The following ADCY8 variants were observed in gnomAD, a reference collection of about 807,000 sequenced individuals.
ADCY8 encodes the protein adenylate cyclase type 8.
Under a neutral mutation model 119.7 loss-of-function variants are expected in ADCY8, and 51 were observed. The ratio of observed to expected loss-of-function variants is 0.43; its 90% confidence interval spans 0.34 to 0.54. The LOEUF (loss-of-function observed/expected upper bound fraction) is 0.54. Among genes scored for constraint, ADCY8 ranks in the 20% least tolerant of loss-of-function variants. The probability of loss-of-function intolerance (pLI) is 0.03; values close to 1 mark genes in which losing one functional copy is unlikely to be tolerated. For missense variants in ADCY8, 1,383 were observed against 1,598.8 expected (o/e 0.87, Z 2.30); for synonymous variants, 665 against 651.0 (o/e 1.02, Z -0.33).
chr8:130,977,701 CCACAGATGTGTAAATTGAGG>C (rs1367799039), intron 2 of ADCY8, among the ~76,000 whole-genome samples: 1 of 152,168 alleles, frequency 6.6e-6, no homozygotes, highest in Non-Finnish European at 1.5e-5. Flanking sequence ...TACCACTATT[CCACAGATGTGTAAATTGAGG>C]CACAGAGAGG....
At chr8:130,951,023 G>A (rs769363761) in intron 3 of ADCY8, among the ~76,000 whole-genome samples, 2 of 152,146 alleles carry the variant, frequency 1.3e-5, no homozygotes, top group Non-Finnish European at 2.9e-5. Flanking sequence ...AATCAGTCAT[G>A]GTTGGATTCT....
chr8:131,014,723 C>T (rs1371881160), intron 1 of ADCY8, among the ~76,000 whole-genome samples: 2 of 152,146 alleles, frequency 1.3e-5, no homozygotes, highest in Non-Finnish European at 2.9e-5. Flanking sequence ...CCCCTCTAAA[C>T]TTCAGACTTC....
chr8:130,980,345 C>T (rs1048071361), intron 2 of ADCY8, among the ~76,000 whole-genome samples: 1 of 152,166 alleles, frequency 6.6e-6, no homozygotes, highest in Non-Finnish European at 1.5e-5. Flanking sequence ...CAACCCAGTA[C>T]AGAAGTCATA....
At chr8:130,932,122 T>C (rs1820648127) in intron 5 of ADCY8, among the ~76,000 whole-genome samples, 1 of 152,152 alleles carries the variant, frequency 6.6e-6, no homozygotes, top group African/African-American at 2.4e-5. Context: ...TACTGGGGCA[T>C]GCCAGAAGCC....
chr8:130,799,836 C>T (rs1815712018), intron 15 of ADCY8, among the ~76,000 whole-genome samples: 1 of 152,142 alleles, frequency 6.6e-6, no homozygotes, highest in South Asian at 2.1e-4. Flanking sequence ...GCTTAAGTAA[C>T]TGGATGGACA....
chr8:130,801,817 AC>A, intron 14 of ADCY8, among the ~76,000 whole-genome samples: 1 of 148,428 alleles, frequency 6.7e-6, no homozygotes, highest in East Asian at 2.0e-4. Context: ...TTTATTGATC[AC>A]CCCAAGATCT....
intron 2 of ADCY8, among the ~76,000 whole-genome samples, chr8:130,956,116 G>C (rs1821417821): frequency 6.6e-6 from 1 of 152,276 alleles, no homozygotes; most frequent in South Asian, 2.1e-4. Flanking sequence ...CGGCACTCCA[G>C]CCTGGTCAAC....
At chr8:131,018,295 T>A (rs951019882) in intron 1 of ADCY8, among the ~76,000 whole-genome samples, 1 of 152,200 alleles carries the variant, frequency 6.6e-6, no homozygotes, top group African/African-American at 2.4e-5. Context: ...GTATTCAACT[T>A]TATTTTTTTC....
At chr8:130,795,355 C>G (rs1308203388) in intron 15 of ADCY8, among the ~76,000 whole-genome samples, 2 of 152,264 alleles carry the variant, frequency 1.3e-5, no homozygotes, top group East Asian at 3.9e-4. Context: ...TGTGGAACAC[C>G]TTTTTCAAAA....
intron 15 of ADCY8, among the ~76,000 whole-genome samples, chr8:130,793,417 C>T (rs969404261): frequency 1.3e-5 from 2 of 152,214 alleles, no homozygotes; most frequent in Non-Finnish European, 2.9e-5. Context: ...AACCTTCCTT[C>T]CCATGTTCCC....
At chr8:131,008,750 G>T (rs1010964821) in intron 1 of ADCY8, among the ~76,000 whole-genome samples, 12 of 152,188 alleles carry the variant, frequency 7.9e-5, no homozygotes, top group African/African-American at 2.9e-4. Flanking sequence ...ATGTGGAAAA[G>T]TTTGGAACTT....
intron 12 of ADCY8, among the ~76,000 whole-genome samples, chr8:130,830,844 G>A (rs1462843875): frequency 2.6e-5 from 4 of 152,190 alleles, no homozygotes; most frequent in Non-Finnish European, 4.4e-5. Context: ...AGTGGAAACA[G>A]GTGCCAGAAC....
rs529456233 is a variant in ADCY8 at position 131,011,974 on chromosome 8, G to A, written c.961-21432C>T. Among the ~76,000 whole-genome samples, 75 of 152,298 alleles carry A rather than the reference G, an allele frequency of 4.9e-4. 1 individual carries two copies. The South Asian group carries it at 0.015, about 31-fold the overall frequency. On this transcript the variant is annotated intron_variant, in intron 1 of 17. Transcript: ENST00000286355. Reference sequence around the variant, plus strand: ...TGTGTCCCTGATAGGTAGAATACATGAGTCAGGGGAACAAGGGGGTAGAGG... The same window carrying A: ...TGTGTCCCTGATAGGTAGAATACATAAGTCAGGGGAACAAGGGGGTAGAGG...
At chr8:130,856,770 T>C (rs957363262) in intron 9 of ADCY8, among the ~76,000 whole-genome samples, 3 of 152,088 alleles carry the variant, frequency 2.0e-5, no homozygotes, top group Non-Finnish European at 2.9e-5. Context: ...CCTTATGTCT[T>C]AGTCTCATTC....
chr8:130,812,471 G>A (rs1239219082), intron 14 of ADCY8, among the ~76,000 whole-genome samples: 3 of 152,214 alleles, frequency 2.0e-5, no homozygotes, highest in Admixed American at 6.5e-5. Context: ...CAATTAGGGT[G>A]AGCCCTAAAT....
At chr8:130,909,931 C>T (rs1486761642) in intron 5 of ADCY8, 65 bp from the exon 6 acceptor site, 3 of 1,312,638 alleles carry the variant, frequency 2.3e-6, no homozygotes, top group Non-Finnish European at 3.1e-6. Context: ...TGGCTCTGCA[C>T]TTTCTTTTCT....
intron 5 of ADCY8, among the ~76,000 whole-genome samples, chr8:130,936,248 C>T (rs1489642315): frequency 6.6e-6 from 1 of 152,124 alleles, no homozygotes; most frequent in Non-Finnish European, 1.5e-5. Flanking sequence ...CCACACACAG[C>T]CTAGTTCCAG....
rs532644128 is a variant in ADCY8, at chr8:130,939,822, C to T, written c.1354-2622G>A. 2.6e-5 allele frequency among the ~76,000 whole-genome samples: 4 copies of T among 152,290 alleles called. No individual in the cohort carries two copies. The South Asian group carries it at 8.3e-4, about 32-fold the overall frequency. On this transcript the variant is annotated intron_variant, in intron 4 of 17. Transcript: ENST00000286355. ...CAATGTTCAACATGCTGCTCCTTAT[C>T]TTTTTTCGTTGAGCTTCACAATAAA... is the stretch of plus-strand genomic sequence containing the variant.
intron 7 of ADCY8, among the ~76,000 whole-genome samples, chr8:130,901,983 C>T (rs1819618223): frequency 6.6e-6 from 1 of 152,038 alleles, no homozygotes; most frequent in Admixed American, 6.6e-5. Flanking sequence ...ACAGTTTAAC[C>T]ACATCAATCA....
Sources: gnomAD v4.1 joint callset for allele counts (sites outside exome capture counted in the v4.1 genomes callset) on GRCh38, gnomAD v4.1.1 for gene constraint, MANE v1.5 for transcripts, NCBI Gene and HGNC (gene_info 2026-07-23, HGNC 2026-07-21) for gene names.